The following GRM3 variants were observed in gnomAD, a reference collection of about 807,000 sequenced individuals.
GRM3 encodes metabotropic glutamate receptor 3.
GRM3 carries 26 observed loss-of-function variants against 70.5 expected under a neutral mutation model. The ratio of observed to expected loss-of-function variants is 0.37; its 90% CI spans 0.27 to 0.51. GRM3 has a LOEUF of 0.51. Ranked by LOEUF, GRM3 falls within the 20% of genes least tolerant of loss-of-function variation. The pLI is 0.93. For synonymous variants in GRM3, 443 were observed against 434.9 expected, an observed-to-expected ratio of 1.02 and a Z score of -0.23; for missense variants, 859 against 1,123.8, an observed-to-expected ratio of 0.76 and a Z score of 3.37.
intron 3 of GRM3, among the ~76,000 whole-genome samples, chr7:86,823,894 CA>C (rs767284345): frequency 6.6e-6 from 1 of 152,106 alleles, no homozygotes; most frequent in Non-Finnish European, 1.5e-5. Context: ...GAGCAGATTT[CA>C]AGCCTACTTA....
intron 1 of GRM3, among the ~76,000 whole-genome samples, chr7:86,733,995 G>GC (rs1044325232): frequency 2.0e-5 from 3 of 152,364 alleles, no homozygotes; most frequent in Non-Finnish European, 4.4e-5. Flanking sequence ...CCAGATGTCT[G>GC]CCTTGGCCTA....
chr7:86,700,782 AATT>A (rs1431487008), intron 1 of GRM3, among the ~76,000 whole-genome samples: 1 of 151,886 alleles, frequency 6.6e-6, no homozygotes, highest in Non-Finnish European at 1.5e-5. Context: ...ACTTAAAAGA[AATT>A]ATTGTTTCTG....
intron 1 of GRM3, among the ~76,000 whole-genome samples, chr7:86,740,622 A>C (rs1795964111): frequency 6.6e-6 from 1 of 152,222 alleles, no homozygotes; most frequent in African/African-American, 2.4e-5. Context: ...AGAAATTCTC[A>C]AGAAAATATT....
intron 1 of GRM3, among the ~76,000 whole-genome samples, chr7:86,678,763 G>A (rs943528943): frequency 7.9e-5 from 12 of 151,974 alleles, no homozygotes; most frequent in Admixed American, 1.3e-4. Context: ...TTTCCAGAAT[G>A]GACCTTTAAG....
intron 2 of GRM3, among the ~76,000 whole-genome samples, chr7:86,771,133 G>A (rs1489891406): frequency 1.3e-5 from 2 of 152,110 alleles, no homozygotes; most frequent in African/African-American, 4.8e-5. Context: ...GTTGAAGGAA[G>A]TGAGTTCTCT....
intron 4 of GRM3, among the ~76,000 whole-genome samples, chr7:86,841,179 A>G (rs576147165): frequency 1.3e-5 from 2 of 152,336 alleles, no homozygotes; most frequent in South Asian, 4.1e-4. Context: ...CTTTTGTTAA[A>G]AAAAGGCAAA....
chr7:86,654,584 A>G (rs1793687959), intron 1 of GRM3, among the ~76,000 whole-genome samples: 1 of 152,154 alleles, frequency 6.6e-6, no homozygotes, highest in Non-Finnish European at 1.5e-5. Flanking sequence ...AAACATGATT[A>G]TTTCTCCATA....
At chr7:86,756,258 T>C (rs971172221) in intron 1 of GRM3, among the ~76,000 whole-genome samples, 2 of 152,110 alleles carry the variant, frequency 1.3e-5, no homozygotes, top group Non-Finnish European at 2.9e-5. Flanking sequence ...TTTGTATTTT[T>C]AGTAAAGACG....
intron 3 of GRM3, among the ~76,000 whole-genome samples, chr7:86,802,147 C>T (rs995231736): frequency 1.3e-5 from 2 of 152,034 alleles, no homozygotes; most frequent in African/African-American, 2.4e-5. Context: ...GATATTATTT[C>T]CCTCTATTTT....
At chr7:86,686,136 T>C (rs1371778737) in intron 1 of GRM3, among the ~76,000 whole-genome samples, 2 of 152,074 alleles carry the variant, frequency 1.3e-5, no homozygotes, top group East Asian at 1.9e-4. Flanking sequence ...AAAACTGAAA[T>C]TGAAGTCTCT....
In GRM3 at chr7:86,850,479, T is replaced by C. The variant is rs1205582662; in HGVS notation, c.2501T>C (p.Val834Ala). The C allele has an allele frequency of 2.5e-6, 4 of 1,612,028 alleles. No individual in the cohort carries two copies. Among genetic ancestry groups the C allele is most frequent in the African/African-American group, 1.3e-5 (1 of 74,824 alleles). ...HIILFQPQKN[V>A]VTHRLHLNRF... ...ATCCTGTTTCAACCCCAGAAGAATG[T>C]TGTCACACACAGACTGCACCTCAAC... The change falls in exon 5 of 6, where the codon GTT (valine) becomes GCT (alanine). Residue 834 changes from valine (V) to alanine (A), a missense_variant. Transcript: ENST00000361669.
chr7:86,797,312 T>C (rs996917474), intron 3 of GRM3, among the ~76,000 whole-genome samples: 15 of 152,212 alleles, frequency 9.9e-5, no homozygotes, highest in African/African-American at 3.1e-4. Context: ...GATAGTAATA[T>C]GGACAATGAA....
chr7:86,797,410 C>G (rs1212268487), intron 3 of GRM3, among the ~76,000 whole-genome samples: 1 of 152,230 alleles, frequency 6.6e-6, no homozygotes, highest in Non-Finnish European at 1.5e-5. Flanking sequence ...AGCAAAGAGA[C>G]TGGCAGCATT....
intron 3 of GRM3, among the ~76,000 whole-genome samples, chr7:86,788,238 C>T (rs1326477383): frequency 1.3e-5 from 2 of 152,284 alleles, no homozygotes; most frequent in East Asian, 3.9e-4. Flanking sequence ...TCTCACATCT[C>T]CCTTATAAGT....
At chr7:86,835,820 C>T (rs1246170927) in intron 3 of GRM3, among the ~76,000 whole-genome samples, 1 of 152,064 alleles carries the variant, frequency 6.6e-6, no homozygotes, top group East Asian at 1.9e-4. Context: ...TCACATTGCC[C>T]AGGCTGGTCC....
At chr7:86,729,799 A>G (rs938195461) in intron 1 of GRM3, among the ~76,000 whole-genome samples, 9 of 152,194 alleles carry the variant, frequency 5.9e-5, no homozygotes, top group African/African-American at 2.2e-4. Context: ...CAGCATAACT[A>G]CATTACTATT....
chr7:86,854,339 T>C (rs183175537), intron 5 of GRM3, among the ~76,000 whole-genome samples: 3 of 152,162 alleles, frequency 2.0e-5, no homozygotes, highest in Non-Finnish European at 4.4e-5. Flanking sequence ...AGAAAGAGTA[T>C]TGGTATTGAA....
At chr7:86,854,131 G>A (rs780422953) in intron 5 of GRM3, among the ~76,000 whole-genome samples, 16 of 151,990 alleles carry the variant, frequency 1.1e-4, no homozygotes, top group Non-Finnish European at 1.6e-4. Context: ...TTTCCAAATC[G>A]CCAATTAATC....
intron 2 of GRM3, among the ~76,000 whole-genome samples, chr7:86,767,560 A>ATAT (rs1562854647): frequency 3.4e-5 from 4 of 118,860 alleles, no homozygotes; most frequent in African/African-American, 8.9e-5. Context: ...TATATATATA[A>ATAT]ATGAAGTATG....
Sources: gnomAD v4.1 joint callset for allele counts (sites outside exome capture counted in the v4.1 genomes callset) on GRCh38, gnomAD v4.1.1 for gene constraint, MANE v1.5 for transcripts, NCBI Gene and HGNC (gene_info 2026-07-23, HGNC 2026-07-21) for gene names.